Variants in CHCHD3 observed in about 807,000 individuals in gnomAD.
The protein encoded by CHCHD3 is MICOS complex subunit MIC19.
CHCHD3 carries 20 observed loss-of-function variants against 38.2 expected under a neutral mutation model. That is an observed-to-expected ratio of 0.52 (90% CI 0.37 to 0.76). The LOEUF is 0.76. Ranked by LOEUF, CHCHD3 falls within the 30% of genes least tolerant of loss-of-function variation. CHCHD3 has a pLI of 0.00. For synonymous variants in CHCHD3, 82 were observed against 100.0 expected (o/e 0.82, Z 1.07); for missense variants, 245 against 279.2 (o/e 0.88, Z 0.87).
intron 7 of CHCHD3, among the ~76,000 whole-genome samples, chr7:132,795,939 G>A (rs182449183): frequency 1.0e-3 from 152 of 152,278 alleles, no homozygotes; most frequent in African/African-American, 3.5e-3. Context: ...TTTTTAAAAT[G>A]CTATCTCTGG....
chr7:132,834,483 G>C (rs1317325171), intron 6 of CHCHD3, among the ~76,000 whole-genome samples: 1 of 152,130 alleles, frequency 6.6e-6, no homozygotes, highest in African/African-American at 2.4e-5. Flanking sequence ...AAAATCCAAG[G>C]GCACAGTCCC....
rs1813278863 is a variant in CHCHD3, at chr7:133,024,530, A to G, written c.251+16T>C. 1 of 1,591,150 alleles carries G rather than the reference A, an allele frequency of 6.3e-7. No individual in the cohort carries two copies. Among genetic ancestry groups the G allele is most frequent in the Non-Finnish European group, 8.6e-7 (1 of 1,159,690 alleles). On this transcript the variant is annotated intron_variant, in intron 3 of 7. Coordinates refer to ENST00000262570, the MANE Select transcript of CHCHD3 (RefSeq NM_017812.4). ...CAAAACCCACCAAAACCTCTCTCTG[A>G]TACCACAAAACTCACCGTTTCTGAT...
chr7:133,048,142 A>T (rs1814049897), intron 2 of CHCHD3, among the ~76,000 whole-genome samples: 2 of 143,948 alleles, frequency 1.4e-5, no homozygotes, highest in Admixed American at 7.0e-5. Flanking sequence ...TAGGTTAAAT[A>T]AAAAAAAAAA....
chr7:132,916,669 C>G lies in CHCHD3; in HGVS notation c.370-30924G>C, dbSNP rs527244890. Among the ~76,000 whole-genome samples the G allele has an allele frequency of 5.3e-5, 8 of 152,312 alleles. No individual in the cohort carries two copies. In the East Asian group the frequency reaches 1.5e-3, roughly 29 times the overall value. Reference sequence around the variant, plus strand: ...AATCATGGCTTACTGTGGCCTCAACCTCCGGGGCTTCAAGTGATCCTCCCA... The same window carrying G: ...AATCATGGCTTACTGTGGCCTCAACGTCCGGGGCTTCAAGTGATCCTCCCA... On this transcript the variant is annotated intron_variant, in intron 4 of 7. Transcript: ENST00000262570.
intron 5 of CHCHD3, among the ~76,000 whole-genome samples, chr7:132,843,868 G>A (rs1808003690): frequency 6.6e-6 from 1 of 152,168 alleles, no homozygotes; most frequent in Non-Finnish European, 1.5e-5. Flanking sequence ...TGTATGATCT[G>A]TGCTCAAATA....
At chr7:133,007,007 G>A (rs1039525865) in intron 3 of CHCHD3, among the ~76,000 whole-genome samples, 3 of 151,828 alleles carry the variant, frequency 2.0e-5, no homozygotes, top group African/African-American at 4.8e-5. Context: ...AATATTTACC[G>A]TGGTTTTGTG....
At chr7:133,025,834 C>A (rs1292057938) in intron 2 of CHCHD3, among the ~76,000 whole-genome samples, 1 of 152,154 alleles carries the variant, frequency 6.6e-6, no homozygotes, top group Non-Finnish European at 1.5e-5. Context: ...AATAGTTGAG[C>A]CTATCAGATG....
chr7:132,864,494 C>G (rs1224944560), intron 5 of CHCHD3, among the ~76,000 whole-genome samples: 2 of 152,038 alleles, frequency 1.3e-5, no homozygotes, highest in Non-Finnish European at 2.9e-5. Flanking sequence ...TGGGAACTAC[C>G]AAAATGTGGC....
chr7:133,062,096 A>AT (rs554037390), intron 2 of CHCHD3, among the ~76,000 whole-genome samples: 80 of 146,904 alleles, frequency 5.4e-4, no homozygotes, highest in Admixed American at 7.5e-4. Context: ...TTACTTTTAA[A>AT]TTTTTTTTTT....
intron 4 of CHCHD3, among the ~76,000 whole-genome samples, chr7:132,896,144 A>G (rs913826874): frequency 6.6e-6 from 1 of 152,246 alleles, no homozygotes; most frequent in Non-Finnish European, 1.5e-5. Context: ...AGTGGCTCAA[A>G]TCTTTGTAAT....
intron 2 of CHCHD3, among the ~76,000 whole-genome samples, chr7:133,067,933 G>C (rs1322745040): frequency 6.6e-6 from 1 of 152,044 alleles, no homozygotes; most frequent in African/African-American, 2.4e-5. Context: ...TGGCTAACAC[G>C]GTGAAACCCC....
At position 132,968,211 on chromosome 7, in the gene CHCHD3, G is replaced by A. The variant is rs566489890; in HGVS notation, c.369+6958C>T. Among the ~76,000 whole-genome samples the A allele has an allele frequency of 6.6e-5, 10 of 152,274 alleles. No homozygotes were observed. In the South Asian group the frequency reaches 2.1e-3, roughly 32 times the overall value. Reference sequence around the variant, plus strand: ...GAACACAAAGGAGAAAACAGAATCTGGATACTTTGTCCCAGAAGCCCTAAT... The same window carrying A: ...GAACACAAAGGAGAAAACAGAATCTAGATACTTTGTCCCAGAAGCCCTAAT... On this transcript the variant is annotated intron_variant, in intron 4 of 7. Transcript: ENST00000262570.
chr7:132,988,301 CCA>C (rs67568615), intron 3 of CHCHD3, among the ~76,000 whole-genome samples: 2 of 65,374 alleles, frequency 3.1e-5, no homozygotes, highest in South Asian at 4.3e-4. Flanking sequence ...ACACACACAC[CCA>C]CACACACACA....
chr7:132,904,038 T>C (rs1055561993), intron 4 of CHCHD3, among the ~76,000 whole-genome samples: 2 of 151,704 alleles, frequency 1.3e-5, no homozygotes, highest in African/African-American at 4.8e-5. Context: ...GGTGGGGGGA[T>C]CATTTGAGGT....
At chr7:132,817,421 A>G (rs1198433782) in intron 6 of CHCHD3, among the ~76,000 whole-genome samples, 2 of 152,204 alleles carry the variant, frequency 1.3e-5, no homozygotes, top group African/African-American at 4.8e-5. Context: ...TTGAGATTAA[A>G]AAAAAAATGA....
chr7:132,870,989 A>G (rs1360548341), intron 5 of CHCHD3, among the ~76,000 whole-genome samples: 3 of 152,084 alleles, frequency 2.0e-5, no homozygotes, highest in Non-Finnish European at 4.4e-5. Context: ...AGGTTGTTGT[A>G]TCAATATTAG....
At chr7:132,813,032 T>G (rs923829663) in intron 6 of CHCHD3, among the ~76,000 whole-genome samples, 1 of 152,230 alleles carries the variant, frequency 6.6e-6, no homozygotes, top group African/African-American at 2.4e-5. Flanking sequence ...TTTTCACAAT[T>G]GCCATTGTCA....
intron 5 of CHCHD3, among the ~76,000 whole-genome samples, chr7:132,882,461 C>CTA (rs71178065): frequency 2.3e-3 from 317 of 134,922 alleles, no homozygotes; most frequent in African/African-American, 8.4e-3. Flanking sequence ...ACAATATATT[C>CTA]TATATATATA....
At chr7:132,939,897 C>G (rs960488008) in intron 4 of CHCHD3, among the ~76,000 whole-genome samples, 1 of 152,190 alleles carries the variant, frequency 6.6e-6, no homozygotes, top group Non-Finnish European at 1.5e-5. Context: ...CGGAGCCTAT[C>G]AACTAATAAA....
Sources: allele counts gnomAD v4.1 joint callset (sites outside exome capture counted in the v4.1 genomes callset), GRCh38; gene constraint gnomAD v4.1.1; transcripts MANE v1.5; gene names NCBI Gene and HGNC (gene_info 2026-07-23, HGNC 2026-07-21).